The following EIF4G3 variants were observed in gnomAD, a reference collection of about 807,000 sequenced individuals.
The protein encoded by EIF4G3 is eukaryotic translation initiation factor 4 gamma 3, also known as eIF-4-gamma 3.
In EIF4G3, 34 loss-of-function variants were observed where a neutral mutation model predicts 186.4. That is an observed-to-expected ratio of 0.18 (90% confidence interval 0.14 to 0.24). The LOEUF (loss-of-function observed/expected upper bound fraction) is 0.24, where lower values mean the gene tolerates loss of function less well. EIF4G3 is among the 10% of genes least tolerant of loss of function. The pLI, the probability that EIF4G3 is intolerant of heterozygous loss-of-function variation, is 1.00. For missense variants in EIF4G3, 1,536 were observed against 1,948.5 expected (o/e 0.79, Z 3.99); for synonymous variants, 673 against 679.5 (o/e 0.99, Z 0.15).
chr1:20,931,108 C>T (rs2095289111), intron 14 of EIF4G3, among the ~76,000 whole-genome samples: 1 of 151,910 alleles, frequency 6.6e-6, no homozygotes, highest in South Asian at 2.1e-4. Context: ...GACAAGCATC[C>T]ACACATAAGT....
chr1:20,941,166 G>T (rs2095696945), intron 14 of EIF4G3: 1 of 1,450,016 alleles, frequency 6.9e-7, no homozygotes, highest in Non-Finnish European at 9.1e-7. Context: ...TAGCCCCAAA[G>T]CAGCAAAATT....
intron 4 of EIF4G3, among the ~76,000 whole-genome samples, chr1:21,043,249 T>A (rs1175683373): frequency 6.6e-6 from 1 of 152,216 alleles, no homozygotes; most frequent in African/African-American, 2.4e-5. Context: ...AACAAAAGAC[T>A]GAGCCTACAT....
intron 4 of EIF4G3, among the ~76,000 whole-genome samples, chr1:21,045,084 C>T (rs1571599434): frequency 6.6e-6 from 1 of 152,030 alleles, no homozygotes; most frequent in Non-Finnish European, 1.5e-5. Flanking sequence ...CACACTGCTG[C>T]ACTCCAGCCT....
At chr1:21,134,563 G>A (rs755054159) in intron 2 of EIF4G3, among the ~76,000 whole-genome samples, 4 of 152,136 alleles carry the variant, frequency 2.6e-5, no homozygotes, top group Non-Finnish European at 4.4e-5. Context: ...CCAGCTACTC[G>A]GGCGCTGATT....
At chr1:21,100,136 T>C (rs545562949) in intron 2 of EIF4G3, among the ~76,000 whole-genome samples, 2 of 152,320 alleles carry the variant, frequency 1.3e-5, no homozygotes, top group South Asian at 2.1e-4. Context: ...ATTCTGCTTA[T>C]ATGAAATGTC....
intron 30 of EIF4G3, among the ~76,000 whole-genome samples, chr1:20,839,474 T>C (rs1313539699): frequency 6.6e-6 from 1 of 152,104 alleles, no homozygotes; most frequent in Non-Finnish European, 1.5e-5. Context: ...GACAACGCTG[T>C]CATTGCTTGC....
chr1:20,993,327 CA>C (rs1371917771), intron 7 of EIF4G3, among the ~76,000 whole-genome samples: 4 of 152,062 alleles, frequency 2.6e-5, no homozygotes, highest in Non-Finnish European at 5.9e-5. Flanking sequence ...CCATTAAGAA[CA>C]AAGAAAATGT....
rs76555899 is a variant in EIF4G3, at chr1:20,919,409, T to C, written c.1664-14438A>G. 5.9e-3 allele frequency among the ~76,000 whole-genome samples: 905 copies of C among 152,238 alleles called. 15 individuals carry two copies. The highest frequency in any genetic ancestry group is 0.024 in the East Asian group (124 of 5,172). Reference sequence around the variant, plus strand: ...TTGTAGAGACAGGATTTCGTTATATTGTTCAGGCTGGTCTTGAACTACTGG... The same window carrying C: ...TTGTAGAGACAGGATTTCGTTATATCGTTCAGGCTGGTCTTGAACTACTGG... On this transcript the variant is annotated intron_variant, in intron 14 of 36. Transcript: ENST00000602326.
intron 13 of EIF4G3, among the ~76,000 whole-genome samples, chr1:20,942,892 T>C (rs962162544): frequency 6.6e-6 from 1 of 152,180 alleles, no homozygotes; most frequent in Non-Finnish European, 1.5e-5. Context: ...TTTAATGAAA[T>C]TTACTATCAG....
chr1:21,077,165 G>A (rs891849554), intron 3 of EIF4G3, among the ~76,000 whole-genome samples: 2 of 152,188 alleles, frequency 1.3e-5, no homozygotes, highest in African/African-American at 4.8e-5. Flanking sequence ...GGGAGGTCAA[G>A]ATAGGAGGAC....
Position 21,122,448 on chromosome 1 carries a change from T to C in EIF4G3, c.-271-33235A>G, listed in dbSNP as rs989933136. On this transcript the variant is annotated intron_variant, in intron 2 of 36. Coordinates refer to ENST00000602326, the MANE Select transcript of EIF4G3 (RefSeq NM_001391906.1). ...ACCATGTAACTTATTTTTCTGTTGATTTTTATAAATTACAAGGTGACAGAA... is the reference window on the plus strand; with the variant it reads ...ACCATGTAACTTATTTTTCTGTTGACTTTTATAAATTACAAGGTGACAGAA... Among the ~76,000 whole-genome samples the C allele has an allele frequency of 2.0e-5, 3 of 152,380 alleles. No individual in the cohort carries two copies. In the South Asian group the frequency reaches 6.2e-4, roughly 32 times the overall value.
At chr1:21,176,567 ACGCCGC>A (rs948854829) in intron 1 of EIF4G3, among the ~76,000 whole-genome samples, 149 bp downstream of exon 1, 75 of 115,296 alleles carry the variant, frequency 6.5e-4, no homozygotes, top group Middle Eastern at 7.1e-3. Context: ...CACACGCCCG[ACGCCGC>A]CGCCGCCGCC....
rs928729222 is a variant in EIF4G3 at position 20,810,940 on chromosome 1, T to C, written c.4598-56A>G. ...TTTAAGGAGTTAACATAGAATTATC[T>C]TTAATTTTCTTTCTTTTTTCTTTTT... is the stretch of plus-strand genomic sequence containing the variant. On this transcript the variant is annotated intron_variant, in intron 35 of 36. Coordinates refer to ENST00000602326, the MANE Select transcript of EIF4G3 (RefSeq NM_001391906.1). This position sits in a 1 kb window ranked among gnomAD's most constrained non-coding sequence, Gnocchi z 4.1. 2.6e-5 allele frequency: 39 copies of C among 1,527,640 alleles called. No homozygotes were observed. In the Middle Eastern group the frequency reaches 8.2e-4, roughly 32 times the overall value. The allele number at this position is 1,527,640 out of a possible 1,614,324, so 94.6% of individuals were successfully genotyped here.
intron 13 of EIF4G3, among the ~76,000 whole-genome samples, chr1:20,943,970 TTTTTTG>T (rs1299421400): frequency 0.13 from 10,693 of 79,960 alleles, 1,371 homozygotes; most frequent in Middle Eastern, 0.16. Flanking sequence ...TGTCTTTATT[TTTTTTG>T]TGTGTGTGTG....
chr1:21,124,973 A>G (rs1448384299), intron 2 of EIF4G3, among the ~76,000 whole-genome samples: 1 of 152,234 alleles, frequency 6.6e-6, no homozygotes, highest in Non-Finnish European at 1.5e-5. Context: ...TAACTGTTTC[A>G]ACACATCCAG....
chr1:21,098,941 A>G (rs2096454608), intron 2 of EIF4G3, among the ~76,000 whole-genome samples: 1 of 152,150 alleles, frequency 6.6e-6, no homozygotes, highest in African/African-American at 2.4e-5. Flanking sequence ...CTAGCCTCAA[A>G]TGGGGAAAAG....
At chr1:21,017,425 G>A (rs898108385) in intron 4 of EIF4G3, among the ~76,000 whole-genome samples, 11 of 151,822 alleles carry the variant, frequency 7.2e-5, no homozygotes, top group African/African-American at 4.8e-5. Context: ...TCAAGAGATC[G>A]AGACCATCCT....
At chr1:21,157,667 A>T (rs962875946) in intron 2 of EIF4G3, among the ~76,000 whole-genome samples, 1 of 152,174 alleles carries the variant, frequency 6.6e-6, no homozygotes, top group Admixed American at 6.6e-5. Context: ...TTCAATAGAC[A>T]GCACAGACAT....
At chr1:20,968,627 A>C (rs1358141266) in intron 12 of EIF4G3, among the ~76,000 whole-genome samples, 1 of 152,244 alleles carries the variant, frequency 6.6e-6, no homozygotes, top group Non-Finnish European at 1.5e-5. Context: ...ACCAGGAAGA[A>C]AAAGGTGCCT....
Sources: gnomAD v4.1 joint callset for allele counts (sites outside exome capture counted in the v4.1 genomes callset) on GRCh38, gnomAD v4.1.1 for gene constraint, Gnocchi (gnomAD v3.1) non-coding constraint, MANE v1.5 for transcripts, NCBI Gene and HGNC (gene_info 2026-07-23, HGNC 2026-07-21) for gene names.